The following DIPK1A variants were observed in gnomAD, a reference collection of about 807,000 sequenced individuals.
DIPK1A encodes the protein family with sequence similarity 69 member A.
DIPK1A carries 27 observed loss-of-function variants against 40.8 expected under a neutral mutation model. The observed-to-expected ratio is 0.66, with a 90% CI of 0.49 to 0.91. The LOEUF (loss-of-function observed/expected upper bound fraction) is 0.91, where lower values mean the gene tolerates loss of function less well. DIPK1A is among the 40% of genes least tolerant of loss of function. The pLI is 0.00. For synonymous variants in DIPK1A, 166 were observed against 171.3 expected (o/e 0.97, Z 0.24); for missense variants, 412 against 505.7 (o/e 0.81, Z 1.78).
intron 2 of DIPK1A, among the ~76,000 whole-genome samples, chr1:92,875,389 G>A (rs1281461926): frequency 1.3e-5 from 2 of 152,112 alleles, no homozygotes; most frequent in Non-Finnish European, 2.9e-5. Flanking sequence ...ATATAATTCT[G>A]AGATGGAGTG....
intron 1 of DIPK1A, among the ~76,000 whole-genome samples, chr1:92,926,486 T>C: frequency 6.6e-6 from 1 of 152,194 alleles, no homozygotes; most frequent in East Asian, 1.9e-4. Context: ...TTATTCTGTA[T>C]TTTTTGGGTA....
chr1:92,850,915 C>T lies in DIPK1A; in HGVS notation c.230G>A (p.Cys77Tyr), dbSNP rs369058148. The change falls in exon 3 of 5, where the codon TGT becomes TAT. Residue 77 changes from cysteine (C) to tyrosine (Y), a missense_variant. Physicochemically the swap from Cys to Tyr is radical, Grantham distance 194. Transcript: ENST00000370310. ...AGTTTCTGTAACACAAAGGCTGTTA[C>T]ATGCAGGCCCATCAATAACTCCAGT... ...YKTGVIDGPA[C>Y]NSLCVTETLY... The T allele has an allele frequency of 2.5e-6, 4 of 1,575,054 alleles. No individual in the cohort carries two copies. The highest frequency in any genetic ancestry group is 3.5e-6 in the Non-Finnish European group (4 of 1,158,626).
At chr1:92,833,364 T>C (rs571720015) in intron 4 of DIPK1A, 1 of 1,577,382 alleles carries the variant, frequency 6.3e-7, no homozygotes, top group South Asian at 1.1e-5. Flanking sequence ...CATCAAAGTT[T>C]TAATAACATT....
At chr1:92,943,441 G>C (rs932858464) in intron 1 of DIPK1A, among the ~76,000 whole-genome samples, 1 of 152,148 alleles carries the variant, frequency 6.6e-6, no homozygotes, top group African/African-American at 2.4e-5. Flanking sequence ...GGGAGGGCAG[G>C]AGTGAGAAGT....
At chr1:92,940,078 T>C (rs1397392341) in intron 1 of DIPK1A, among the ~76,000 whole-genome samples, 1 of 152,198 alleles carries the variant, frequency 6.6e-6, no homozygotes, top group African/African-American at 2.4e-5. Flanking sequence ...TTAAGAAGAC[T>C]GGGACAGCAT....
At chr1:92,870,555 A>T (rs1647793861) in intron 2 of DIPK1A, among the ~76,000 whole-genome samples, 1 of 152,136 alleles carries the variant, frequency 6.6e-6, no homozygotes, top group Non-Finnish European at 1.5e-5. Context: ...ACAGCCTCAC[A>T]ATCTTTGTCT....
downstream of DIPK1A, among the ~76,000 whole-genome samples, chr1:92,841,042 C>T (rs1180454346): frequency 6.6e-6 from 1 of 152,166 alleles, no homozygotes; most frequent in African/African-American, 2.4e-5. Context: ...AAATACTTAA[C>T]ACTTTGTGGC....
At chr1:92,847,054 A>G (rs917657361) in intron 4 of DIPK1A, 129 bp downstream of exon 4, 1 of 594,684 alleles carries the variant, frequency 1.7e-6, no homozygotes, top group East Asian at 3.5e-5. Context: ...TCTTATAATT[A>G]TTTCCTCAGG....
intron 4 of DIPK1A, among the ~76,000 whole-genome samples, chr1:92,834,121 G>A (rs1003116038): frequency 3.3e-5 from 5 of 152,142 alleles, no homozygotes; most frequent in South Asian, 4.1e-4. Context: ...GGGGTGGGGA[G>A]ATTAGAAGTA....
chr1:92,880,193 CTTACAG>C (rs1648304302), intron 1 of DIPK1A, among the ~76,000 whole-genome samples: 1 of 152,180 alleles, frequency 6.6e-6, no homozygotes, highest in African/African-American at 2.4e-5. Flanking sequence ...GTTTGAGAAA[CTTACAG>C]TTACACAATA....
At chr1:92,897,872 G>A (rs1649242705) in intron 1 of DIPK1A, among the ~76,000 whole-genome samples, 1 of 152,096 alleles carries the variant, frequency 6.6e-6, no homozygotes, top group South Asian at 2.1e-4. Flanking sequence ...GCCAAAGCAG[G>A]TGGATCGCTT....
At chr1:92,887,867 T>C (rs1009129499) in intron 1 of DIPK1A, among the ~76,000 whole-genome samples, 1 of 152,106 alleles carries the variant, frequency 6.6e-6, no homozygotes, top group Non-Finnish European at 1.5e-5. Context: ...GGAGGCAGTC[T>C]GGCTTCAGAG....
intron 1 of DIPK1A, among the ~76,000 whole-genome samples, chr1:92,959,902 ACTTTTTT>A (rs1203069195): frequency 0.02 from 868 of 43,092 alleles, 37 homozygotes; most frequent in Admixed American, 0.033. Flanking sequence ...CACCCAACCA[ACTTTTTT>A]TTTTTTTTTT....
At chr1:92,925,590 T>C (rs901161517) in intron 1 of DIPK1A, among the ~76,000 whole-genome samples, 12 of 152,212 alleles carry the variant, frequency 7.9e-5, no homozygotes, top group South Asian at 2.1e-4. Context: ...ACCTCCCAGA[T>C]TGAAGCAATT....
At chr1:92,898,217 C>T (rs1649264409) in intron 1 of DIPK1A, among the ~76,000 whole-genome samples, 1 of 151,586 alleles carries the variant, frequency 6.6e-6, no homozygotes, top group African/African-American at 2.4e-5. Flanking sequence ...CTGATGAGGG[C>T]CTTCAGCAAC....
chr1:92,949,769 T>C (rs1651555510), intron 1 of DIPK1A, among the ~76,000 whole-genome samples: 1 of 152,254 alleles, frequency 6.6e-6, no homozygotes, highest in Non-Finnish European at 1.5e-5. Context: ...ACATAGTTTG[T>C]ATCATAAGCT....
chr1:92,918,007 T>C (rs1056226875), intron 1 of DIPK1A, among the ~76,000 whole-genome samples: 1 of 152,132 alleles, frequency 6.6e-6, no homozygotes, highest in Non-Finnish European at 1.5e-5. Context: ...GGAAAATAAG[T>C]GTTAACTAAA....
At chr1:92,906,629 C>A (rs1273881070) in intron 1 of DIPK1A, among the ~76,000 whole-genome samples, 1 of 151,888 alleles carries the variant, frequency 6.6e-6, no homozygotes, top group Non-Finnish European at 1.5e-5. Context: ...GGGATATACT[C>A]AAAAAATTTC....
intron 2 of DIPK1A, among the ~76,000 whole-genome samples, chr1:92,854,842 G>A (rs1345702610): frequency 2.0e-5 from 3 of 152,172 alleles, no homozygotes; most frequent in African/African-American, 7.2e-5. Context: ...CAGATGGCCC[G>A]CAATTTCATT....
Sources: allele counts gnomAD v4.1 joint callset (sites outside exome capture counted in the v4.1 genomes callset), GRCh38; gene constraint gnomAD v4.1.1; transcripts MANE v1.5; gene names NCBI Gene and HGNC (gene_info 2026-07-23, HGNC 2026-07-21).